Variants in WNK3 observed in about 807,000 individuals in gnomAD.
WNK3 encodes the protein WNK lysine deficient protein kinase 3, also known as serine/threonine-protein kinase WNK3.
WNK3 carries 18 observed loss-of-function variants against 116.7 expected under a neutral mutation model. The ratio of observed to expected loss-of-function variants is 0.15; its 90% CI spans 0.11 to 0.23. The LOEUF is 0.23. Among genes scored for constraint, WNK3 ranks in the 10% least tolerant of loss-of-function variants. WNK3 has a pLI of 1.00. For missense variants in WNK3, 993 were observed against 1,323.8 expected (o/e 0.75, Z 3.88); for synonymous variants, 404 against 469.4 (o/e 0.86, Z 1.80).
At position 54,309,367 on chromosome X, in the gene WNK3, T is replaced by C. The variant is rs1557169273; in HGVS notation, c.711-52A>G. On this transcript the variant is annotated intron_variant, in intron 3 of 23. Transcript: ENST00000354646. ...GTAAACAAACATATCCAACTTATTATATGAACACTATTAAGGTAAGTTACA... is the reference window on the plus strand; with the variant it reads ...GTAAACAAACATATCCAACTTATTACATGAACACTATTAAGGTAAGTTACA... 3.3e-6 allele frequency: 3 copies of C among 907,659 alleles called. No homozygotes were observed. The South Asian group carries it at 6.5e-5, about 20-fold the overall frequency. 74.8% of individuals were successfully genotyped at this position (907,659 alleles called of 1,213,427 possible).
intron 2 of WNK3, among the ~76,000 whole-genome samples, chrX:54,314,399 TATAC>T (rs1409777749): frequency 1.8e-5 from 2 of 111,131 alleles, no homozygotes; most frequent in Non-Finnish European, 3.8e-5. Flanking sequence ...TAGCAAATAA[TATAC>T]TTAATTTTAC....
intron 19 of WNK3, among the ~76,000 whole-genome samples, chrX:54,237,863 T>C (rs1400988742): frequency 2.7e-5 from 3 of 111,851 alleles, no homozygotes; most frequent in Non-Finnish European, 5.6e-5. Flanking sequence ...AGATTCATCT[T>C]TACTGATGGC....
chrX:54,269,447 G>A (rs1557158708), intron 10 of WNK3, among the ~76,000 whole-genome samples: 1 of 111,558 alleles, frequency 9.0e-6, no homozygotes, highest in African/African-American at 3.3e-5. Context: ...AGAGTAAATG[G>A]AAGTCTCATA....
intron 10 of WNK3, among the ~76,000 whole-genome samples, chrX:54,283,865 GAAA>G (rs782302268): frequency 2.3e-5 from 2 of 87,052 alleles, no homozygotes; most frequent in Admixed American, 1.3e-4. Flanking sequence ...ATTCCTAGAG[GAAA>G]AAAAAAAAAA....
At chrX:54,224,648 C>T (rs781917373) in intron 22 of WNK3, among the ~76,000 whole-genome samples, 19 of 106,313 alleles carry the variant, frequency 1.8e-4, no homozygotes, top group African/African-American at 6.1e-4. Flanking sequence ...CGGCTCACTG[C>T]AAGCTCCGCC....
At chrX:54,320,850 A>G (rs1273521327) in intron 2 of WNK3, among the ~76,000 whole-genome samples, 3 of 110,731 alleles carry the variant, frequency 2.7e-5, no homozygotes, top group Non-Finnish European at 1.9e-5. Context: ...ATTGAACACT[A>G]AAATGCGTCA....
At chrX:54,327,401 T>C (rs1188709364) in intron 2 of WNK3, among the ~76,000 whole-genome samples, 3 of 111,193 alleles carry the variant, frequency 2.7e-5, no homozygotes, top group African/African-American at 9.8e-5. Flanking sequence ...CTGGACAACA[T>C]AATGAGACTG....
At chrX:54,270,613 C>T (rs1382206745) in intron 10 of WNK3, among the ~76,000 whole-genome samples, 4 of 108,338 alleles carry the variant, frequency 3.7e-5, no homozygotes, top group African/African-American at 6.7e-5. Flanking sequence ...ATGTACAGAA[C>T]GTGCAGGTTT....
exon 19 of WNK3, chrX:54,238,446 T>C: frequency 8.3e-7 from 1 of 1,209,492 alleles, no homozygotes. Context: ...TCAGGAGCAA[T>C]TGCTGATCTC....
Position 54,293,330 on chromosome X carries a change from A to G in WNK3, c.1694-3T>C. 8.5e-7 allele frequency: 1 copy of G among 1,183,114 alleles called. No homozygotes were observed. Among genetic ancestry groups the G allele is most frequent in the African/African-American group, 1.8e-5 (1 of 56,355 alleles). On this transcript the variant is annotated splice_region_variant and splice_polypyrimidine_tract_variant and intron_variant, in intron 8 of 23. Transcript: ENST00000354646. ...TCCTGCCTCAGACAAATTGTCACCT[A>G]TAAAAAAAGAAAATAAGTAACAGGT...
intron 10 of WNK3, among the ~76,000 whole-genome samples, chrX:54,289,472 A>G (rs2068615742): frequency 2.7e-5 from 3 of 111,281 alleles, no homozygotes; most frequent in African/African-American, 9.8e-5. Context: ...CACACTTTCA[A>G]TACCACCCTT....
chrX:54,330,204 C>T (rs2069151980), intron 2 of WNK3, among the ~76,000 whole-genome samples: 1 of 111,201 alleles, frequency 9.0e-6, no homozygotes, highest in South Asian at 3.8e-4. Context: ...AAACCCCTAT[C>T]TCTACTAAAA....
rs782545421 is a variant in WNK3, at chrX:54,202,208, AAAC to A, written c.4871-18_4871-16del. The stretch of plus-strand genomic sequence containing the variant: ...ACACAGTGGATCTATAAGACAAAAA[AAAC>A]AACAACAGGGAAACCATGAAAAAGA... On this transcript the variant is annotated splice_polypyrimidine_tract_variant and intron_variant, in intron 22 of 23. Transcript: ENST00000354646. The A allele has an allele frequency of 3.4e-6, 4 of 1,173,498 alleles. No individual in the cohort carries two copies. Among genetic ancestry groups the A allele is most frequent in the Admixed American group, 2.4e-5 (1 of 41,780 alleles).
At chrX:54,262,819 C>T in intron 10 of WNK3, among the ~76,000 whole-genome samples, 1 of 108,529 alleles carries the variant, frequency 9.2e-6, no homozygotes, top group East Asian at 2.9e-4. Context: ...GTAGTCCCAG[C>T]TACTCAGGAG....
intron 1 of WNK3, among the ~76,000 whole-genome samples, chrX:54,349,829 A>G (rs782402014): frequency 1.2e-4 from 13 of 111,126 alleles, no homozygotes; most frequent in Admixed American, 2.9e-4. Context: ...GCAGTGAACT[A>G]TGACCATGCC....
At chrX:54,332,138 T>A (rs1270331883) in intron 2 of WNK3, among the ~76,000 whole-genome samples, 2 of 112,300 alleles carry the variant, frequency 1.8e-5, no homozygotes, top group African/African-American at 6.5e-5. Flanking sequence ...TGATGTTCTG[T>A]CCCTATTTAG....
At chrX:54,195,177 C>T (rs187074476) in exon 24 of WNK3, 1 of 111,856 alleles carries the variant, frequency 8.9e-6, no homozygotes, top group Non-Finnish European at 1.9e-5. Context: ...GAAATGCTCA[C>T]ATTACCACAT....
chrX:54,201,186 G>A (rs2146694453), intron 23 of WNK3, among the ~76,000 whole-genome samples: 1 of 111,293 alleles, frequency 9.0e-6, no homozygotes, highest in South Asian at 3.8e-4. Flanking sequence ...AGTAGAATAA[G>A]GCCCAAATTC....
chrX:54,253,907 G>A (rs2068163025), intron 13 of WNK3, 52 bp downstream of exon 13: 2 of 829,603 alleles, frequency 2.4e-6, no homozygotes, highest in South Asian at 2.6e-5. Flanking sequence ...GAATTATAGG[G>A]GAAAAAAGAC....
Sources: allele counts gnomAD v4.1 joint callset (sites outside exome capture counted in the v4.1 genomes callset), GRCh38; gene constraint gnomAD v4.1.1; transcripts MANE v1.5; gene names NCBI Gene and HGNC (gene_info 2026-07-23, HGNC 2026-07-21).